The following AGBL1 variants were observed in gnomAD, a reference collection of about 807,000 sequenced individuals.
AGBL1 encodes the protein AGBL carboxypeptidase 1, also known as cytosolic carboxypeptidase 4.
AGBL1 carries 130 observed loss-of-function variants against 118.9 expected under a neutral mutation model. That is an observed-to-expected ratio of 1.09 (90% CI 0.95 to 1.26). The LOEUF (loss-of-function observed/expected upper bound fraction) is 1.26. Among genes scored for constraint, AGBL1 ranks in the 50% most tolerant of loss-of-function variants. The probability of loss-of-function intolerance (pLI) is 0.00; values close to 1 mark genes in which losing one functional copy is unlikely to be tolerated. For synonymous variants in AGBL1, 555 were observed against 478.9 expected (o/e 1.16, Z -2.08); for missense variants, 1,584 against 1,298.1 (o/e 1.22, Z -3.38).
intron 22 of AGBL1, among the ~76,000 whole-genome samples, chr15:86,718,475 G>A: frequency 6.6e-6 from 1 of 152,196 alleles, no homozygotes; most frequent in Middle Eastern, 3.4e-3. Context: ...ACACGGCACA[G>A]GTAGACATGT....
chr15:86,765,619 C>CA (rs2078086933), intron 22 of AGBL1, among the ~76,000 whole-genome samples: 1 of 151,812 alleles, frequency 6.6e-6, no homozygotes, highest in African/African-American at 2.4e-5. Context: ...AGAGACGTGA[C>CA]AAAAAAATTC....
intron 1 of AGBL1, among the ~76,000 whole-genome samples, chr15:86,119,295 C>T (rs996295802): frequency 6.6e-6 from 1 of 151,810 alleles, no homozygotes; most frequent in Non-Finnish European, 1.5e-5. Flanking sequence ...GAACTGGAAC[C>T]AGTGCTTAAG....
intron 22 of AGBL1, among the ~76,000 whole-genome samples, chr15:86,869,839 A>G (rs767907999): frequency 6.6e-6 from 1 of 152,086 alleles, no homozygotes; most frequent in Non-Finnish European, 1.5e-5. Flanking sequence ...GATCCTTTCT[A>G]CCTTAAGTCA....
chr15:86,686,506 C>T (rs1054776997), intron 22 of AGBL1, among the ~76,000 whole-genome samples: 8 of 143,084 alleles, frequency 5.6e-5, no homozygotes, highest in Non-Finnish European at 8.9e-5. Context: ...GGCATGATCT[C>T]GGCTCACTGC....
chr15:86,556,248 C>G, intron 21 of AGBL1: 1 of 1,613,296 alleles, frequency 6.2e-7, no homozygotes, highest in Non-Finnish European at 8.5e-7. Flanking sequence ...TTGGAGAGGA[C>G]AAAGAATGAA....
intron 5 of AGBL1, among the ~76,000 whole-genome samples, chr15:86,163,958 C>T (rs1296943283): frequency 6.6e-6 from 1 of 152,182 alleles, no homozygotes; most frequent in Non-Finnish European, 1.5e-5. Flanking sequence ...GCACACCTCC[C>T]AAGAGCTCTA....
In AGBL1 at chr15:86,964,031, C is replaced by G. The variant is rs28636615; in HGVS notation, c.3222-23956C>G. On this transcript the variant is annotated intron_variant, in intron 23 of 24. Coordinates refer to the AGBL1 transcript ENST00000441037. ...AAACTCTCTCTCTCTCTCTCTCTCTCTGTGTGTGTGTGTGTGTGTGTGTGT... is the reference window on the plus strand; with the variant it reads ...AAACTCTCTCTCTCTCTCTCTCTCTGTGTGTGTGTGTGTGTGTGTGTGTGT... 7.0e-3 allele frequency among the ~76,000 whole-genome samples: 1,026 copies of G among 146,286 alleles called. 3 individuals carry two copies. Among genetic ancestry groups the G allele is most frequent in the African/African-American group, 0.016 (616 of 39,160 alleles).
chr15:86,703,407 A>G (rs994401111), intron 22 of AGBL1, among the ~76,000 whole-genome samples: 1 of 152,158 alleles, frequency 6.6e-6, no homozygotes, highest in Non-Finnish European at 1.5e-5. Context: ...AGTTGTTTAC[A>G]TTGTTTATGT....
intron 1 of AGBL1, among the ~76,000 whole-genome samples, chr15:86,092,493 C>G (rs182306580): frequency 2.6e-4 from 40 of 151,940 alleles, no homozygotes; most frequent in Non-Finnish European, 4.4e-4. Context: ...AATTTTTATT[C>G]TAAAAATCAA....
intron 13 of AGBL1, 41 bp downstream of exon 13, chr15:86,267,117 G>C (rs1251363266): frequency 1.4e-6 from 2 of 1,432,012 alleles, no homozygotes; most frequent in East Asian, 2.5e-5. Flanking sequence ...CTGTCAGTTC[G>C]TAAGAGCAAG....
At chr15:86,130,307 T>G (rs1167155520) in intron 1 of AGBL1, among the ~76,000 whole-genome samples, 2 of 152,158 alleles carry the variant, frequency 1.3e-5, no homozygotes, top group Non-Finnish European at 2.9e-5. Context: ...AATGGAAAGT[T>G]GGCTTCTTTT....
At chr15:86,262,293 T>TA (rs1294737846) in intron 9 of AGBL1, among the ~76,000 whole-genome samples, 1 of 152,040 alleles carries the variant, frequency 6.6e-6, no homozygotes, top group African/African-American at 2.4e-5. Flanking sequence ...AAAAGGCAAA[T>TA]ACCATGGAAG....
intron 22 of AGBL1, among the ~76,000 whole-genome samples, chr15:86,740,152 C>T (rs2077656979): frequency 6.6e-6 from 1 of 152,212 alleles, no homozygotes; most frequent in Non-Finnish European, 1.5e-5. Context: ...TCATTCACTA[C>T]AGCTCAGTCT....
intron 23 of AGBL1, among the ~76,000 whole-genome samples, chr15:86,981,735 C>G (rs2081233546): frequency 6.6e-6 from 1 of 152,096 alleles, no homozygotes; most frequent in African/African-American, 2.4e-5. Flanking sequence ...ACCAAAATAT[C>G]TCCCCGTTAA....
chr15:86,225,497 G>C (rs993258994), intron 6 of AGBL1, among the ~76,000 whole-genome samples: 2 of 152,114 alleles, frequency 1.3e-5, no homozygotes, highest in Non-Finnish European at 2.9e-5. Context: ...TTTAAAAGTT[G>C]ACTCTTTTCT....
At chr15:87,014,686 CATTTTATTCCTGA>C (rs2081592471) in intron 24 of AGBL1, among the ~76,000 whole-genome samples, 2 of 152,154 alleles carry the variant, frequency 1.3e-5, no homozygotes, top group Admixed American at 1.3e-4. Flanking sequence ...TATTTCAATG[CATTTTATTCCTGA>C]ACATTTTAAA....
chr15:86,643,698 T>G (rs1024551786), intron 21 of AGBL1, among the ~76,000 whole-genome samples: 1 of 152,160 alleles, frequency 6.6e-6, no homozygotes, highest in African/African-American at 2.4e-5. Context: ...TTACTGCATT[T>G]TATTATTTTC....
intron 22 of AGBL1, among the ~76,000 whole-genome samples, chr15:86,904,918 A>T (rs1274634729): frequency 1.3e-5 from 2 of 152,132 alleles, no homozygotes; most frequent in African/African-American, 4.8e-5. Context: ...CTATAGTATA[A>T]AATAAACATA....
At chr15:86,324,575 C>T (rs1274537553) in intron 17 of AGBL1, among the ~76,000 whole-genome samples, 1 of 152,154 alleles carries the variant, frequency 6.6e-6, no homozygotes, top group Admixed American at 6.5e-5. Flanking sequence ...GTACCAGGGA[C>T]TAAAATATTT....
Sources: gnomAD v4.1 joint callset for allele counts (sites outside exome capture counted in the v4.1 genomes callset) on GRCh38, gnomAD v4.1.1 for gene constraint, MANE v1.5 for transcripts, NCBI Gene and HGNC (gene_info 2026-07-23, HGNC 2026-07-21) for gene names.